SLC22A23: variants seen among roughly 807,000 people sequenced by gnomAD.
SLC22A23 encodes the protein ion transporter protein.
A neutral mutation model predicts 61.0 loss-of-function variants in SLC22A23; 26 were observed. The observed-to-expected ratio is 0.43, with a 90% CI of 0.31 to 0.59. The LOEUF is 0.59. Ranked by LOEUF, SLC22A23 falls within the 20% of genes least tolerant of loss-of-function variation. SLC22A23 has a pLI of 0.11. For missense variants in SLC22A23, 796 were observed against 934.7 expected, an observed-to-expected ratio of 0.85 and a Z score of 1.94; for synonymous variants, 430 against 413.9, an observed-to-expected ratio of 1.04 and a Z score of -0.47.
chr6:3,395,600 T>C lies in SLC22A23; in HGVS notation c.913+14588A>G, dbSNP rs187942536. 2.9e-4 allele frequency among the ~76,000 whole-genome samples: 44 copies of C among 152,212 alleles called. 1 individual carries two copies. The highest frequency in any genetic ancestry group is 2.4e-3 in the Admixed American group (36 of 15,286). On this transcript the variant is annotated intron_variant, in intron 3 of 9. Transcript: ENST00000406686. The stretch of plus-strand genomic sequence containing the variant: ...AGTAGCGCAGCCATCAGGCACCCCA[T>C]TATAGCGAATGACTGAGGCTTGCTC...
intron 3 of SLC22A23, among the ~76,000 whole-genome samples, chr6:3,396,542 C>T (rs1768015631): frequency 6.6e-6 from 1 of 152,014 alleles, no homozygotes; most frequent in Non-Finnish European, 1.5e-5. Flanking sequence ...AGTGAGACTC[C>T]ACCTCAAAAA....
intron 1 of SLC22A23, among the ~76,000 whole-genome samples, chr6:3,450,920 T>G (rs1392883005): frequency 6.6e-6 from 1 of 152,234 alleles, no homozygotes; most frequent in African/African-American, 2.4e-5. Context: ...TTTAAATAAC[T>G]TCTACTCTTT....
intron 4 of SLC22A23, among the ~76,000 whole-genome samples, chr6:3,320,966 G>T (rs551180135): frequency 1.3e-5 from 2 of 152,216 alleles, no homozygotes; most frequent in Non-Finnish European, 2.9e-5. Context: ...TAGGTGACAG[G>T]CACTGTTCTA....
chr6:3,446,635 A>G (rs1771908821), intron 1 of SLC22A23, among the ~76,000 whole-genome samples: 1 of 152,014 alleles, frequency 6.6e-6, no homozygotes, highest in Non-Finnish European at 1.5e-5. Context: ...ACTTCCCACT[A>G]TTCATCCCCA....
At chr6:3,298,702 G>A (rs1321022870) in intron 4 of SLC22A23, among the ~76,000 whole-genome samples, 5 of 150,002 alleles carry the variant, frequency 3.3e-5, no homozygotes, top group Admixed American at 3.3e-4. Context: ...GCCGGGCGCG[G>A]TGGCTCACGC....
chr6:3,423,355 G>T (rs17250343), intron 1 of SLC22A23, among the ~76,000 whole-genome samples: 24,043 of 152,128 alleles, frequency 0.16, 2,475 homozygotes, highest in East Asian at 0.36. Flanking sequence ...CTCAGCAGAG[G>T]TTTGCATTAT....
chr6:3,440,727 G>T lies in SLC22A23; in HGVS notation c.654+15179C>A, dbSNP rs540070782. Among the ~76,000 whole-genome samples the T allele has an allele frequency of 7.4e-4, 112 of 150,336 alleles. 1 individual carries two copies. The highest frequency in any genetic ancestry group is 2.6e-3 in the African/African-American group (104 of 40,438). ...GTCTCAGAAAAAAAAAAAAAAAGAAGAGGAGATGAGGACGCAGACACACAC... is the reference window on the plus strand; with the variant it reads ...GTCTCAGAAAAAAAAAAAAAAAGAATAGGAGATGAGGACGCAGACACACAC... On this transcript the variant is annotated intron_variant, in intron 1 of 9. Transcript: ENST00000406686.
At chr6:3,315,260 G>A (rs1762572824) in intron 4 of SLC22A23, among the ~76,000 whole-genome samples, 1 of 152,206 alleles carries the variant, frequency 6.6e-6, no homozygotes, top group South Asian at 2.1e-4. Flanking sequence ...CCCCATCTGT[G>A]CCTGCAGGGA....
chr6:3,353,110 G>A (rs1250124957), intron 3 of SLC22A23, among the ~76,000 whole-genome samples: 1 of 152,344 alleles, frequency 6.6e-6, no homozygotes, highest in East Asian at 1.9e-4. Flanking sequence ...ACCTGTGAGT[G>A]CTCCGCCTAA....
rs1763184931 is a variant in SLC22A23, at chr6:3,324,845, T to C, written c.914-843A>G. Among the ~76,000 whole-genome samples, 1 of 152,238 alleles carries C rather than the reference T, an allele frequency of 6.6e-6. No homozygotes were observed. The highest frequency in any genetic ancestry group is 2.4e-5 in the African/African-American group (1 of 41,450). On this transcript the variant is annotated intron_variant, in intron 3 of 9. Coordinates refer to ENST00000406686, the MANE Select transcript of SLC22A23 (RefSeq NM_015482.2). The surrounding 1 kb of genome is among the most constrained non-coding windows in gnomAD (Gnocchi z 4.3). ...GGCCCCTCTTATTTGCAAGAATCTA[T>C]TCTTTTACTTTGACCTTGAGTCAAA... is the stretch of plus-strand genomic sequence containing the variant.
intron 1 of SLC22A23, among the ~76,000 whole-genome samples, chr6:3,453,898 A>G (rs1163444860): frequency 6.6e-6 from 1 of 152,214 alleles, no homozygotes; most frequent in Non-Finnish European, 1.5e-5. Context: ...TACATCCCAC[A>G]TTAGTGCATC....
At chr6:3,282,082 C>T (rs1759519833) in intron 9 of SLC22A23, among the ~76,000 whole-genome samples, 2 of 152,172 alleles carry the variant, frequency 1.3e-5, no homozygotes, top group African/African-American at 4.8e-5. Flanking sequence ...CCGCTAGCCA[C>T]CCCCTCCCCC....
intron 9 of SLC22A23, among the ~76,000 whole-genome samples, chr6:3,279,291 T>A (rs567779831): frequency 6.6e-6 from 1 of 151,832 alleles, no homozygotes; most frequent in East Asian, 1.9e-4. Flanking sequence ...GATGGGCAGA[T>A]CACGAGGTCA....
At chr6:3,396,454 C>T (rs1768008147) in intron 3 of SLC22A23, among the ~76,000 whole-genome samples, 2 of 152,174 alleles carry the variant, frequency 1.3e-5, no homozygotes, top group Admixed American at 6.5e-5. Context: ...GAGGCTGAGG[C>T]AGGAGAATCA....
intron 3 of SLC22A23, among the ~76,000 whole-genome samples, chr6:3,332,814 C>T (rs1763650710): frequency 6.6e-6 from 1 of 152,064 alleles, no homozygotes; most frequent in African/African-American, 2.4e-5. Context: ...CCACATATTA[C>T]ATATCTTAAT....
Position 3,273,211 on chromosome 6 carries a change from G to C in SLC22A23, c.1905C>G (p.His635Gln), listed in dbSNP as rs1298149243. The change falls in exon 10 of 10, where the codon CAC becomes CAG. Residue 635 changes from histidine (H) to glutamine (Q), a missense_variant. His to Gln is a conservative substitution (Grantham distance 24). Coordinates refer to ENST00000406686, the MANE Select transcript of SLC22A23 (RefSeq NM_015482.2). ...GCGGCAGCAGCGGCTGGCGCGTGTA[G>C]TGCTCCCCGTTAGAAATGTTCTCAG... ...NLPENISNGEHYTRQPLLPHK... is the reference protein window; with the variant it reads ...NLPENISNGEQYTRQPLLPHK... 1.9e-6 allele frequency: 3 copies of C among 1,613,296 alleles called. No homozygotes were observed. Among genetic ancestry groups the C allele is most frequent in the Admixed American group, 3.3e-5 (2 of 59,982 alleles).
chr6:3,299,520 G>A (rs2127358410), intron 4 of SLC22A23, among the ~76,000 whole-genome samples: 1 of 152,272 alleles, frequency 6.6e-6, no homozygotes, highest in Non-Finnish European at 1.5e-5. Flanking sequence ...TTTTTTAAAA[G>A]ATGGAATCTT....
Position 3,285,104 on chromosome 6 carries a change from T to G in SLC22A23, c.1554A>C (p.Gly518=), listed in dbSNP as rs1216298398. Reference sequence around the variant, plus strand: ...CTGAGTCTGGGTGCTGGCTGTACTTTCCAATCACTGGACCCGCAGACATGA... The same window carrying G: ...CTGAGTCTGGGTGCTGGCTGTACTTGCCAATCACTGGACCCGCAGACATGA... The part of the protein sequence containing the change: ...LLQLGLLNLI[G]KYSQHPDSGM... Residue 518 remains glycine, a synonymous_variant, in exon 8 of 10, where the codon GGA becomes GGC. Transcript: ENST00000406686. 1.9e-6 allele frequency: 3 copies of G among 1,613,292 alleles called. No homozygotes were observed. Among genetic ancestry groups the G allele is most frequent in the Middle Eastern group, 1.6e-4 (1 of 6,084 alleles).
chr6:3,431,484 G>T (rs1045819599), intron 1 of SLC22A23, among the ~76,000 whole-genome samples: 1 of 152,160 alleles, frequency 6.6e-6, no homozygotes, highest in African/African-American at 2.4e-5. Flanking sequence ...TGAAGTTTGT[G>T]GGCTATTGGC....
Sources: gnomAD v4.1 joint callset for allele counts (sites outside exome capture counted in the v4.1 genomes callset) on GRCh38, gnomAD v4.1.1 for gene constraint, Gnocchi (gnomAD v3.1) non-coding constraint, MANE v1.5 for transcripts, NCBI Gene and HGNC (gene_info 2026-07-23, HGNC 2026-07-21) for gene names.